The following BRD4 variants were observed in gnomAD, a reference collection of about 807,000 sequenced individuals.
BRD4 encodes bromodomain-containing protein 4.
BRD4 carries 16 observed loss-of-function variants against 142.1 expected under a neutral mutation model. The ratio of observed to expected loss-of-function variants is 0.11; its 90% CI spans 0.08 to 0.17. The LOEUF (loss-of-function observed/expected upper bound fraction) is 0.17. Ranked by LOEUF, BRD4 falls within the 10% of genes least tolerant of loss-of-function variation. The pLI, the probability that BRD4 is intolerant of heterozygous loss-of-function variation, is 1.00. For missense variants in BRD4, 1,424 were observed against 1,810.9 expected, an observed-to-expected ratio of 0.79 and a Z score of 3.88; for synonymous variants, 833 against 707.5, an observed-to-expected ratio of 1.18 and a Z score of -2.82.
chr19:15,258,321 T>G (rs372479151), intron 7 of BRD4, among the ~76,000 whole-genome samples: 170 of 152,306 alleles, frequency 1.1e-3, no homozygotes, highest in African/African-American at 3.8e-3. Context: ...ATGACTTCTT[T>G]TAGCCAATAA....
Position 15,318,603 on chromosome 19 carries a change from GC to G in BRD4, c.-35+13686del, listed in dbSNP as rs781434645. On this transcript the variant is annotated intron_variant, in intron 1 of 19. Transcript: ENST00000679869. ...GTAAGCAAATGTCCCGCAGCACAGG[GC>G]ACACATTAAGCCACGTAAGGGACCA... 2.3e-4 allele frequency among the ~76,000 whole-genome samples: 35 copies of G among 152,298 alleles called. No homozygotes were observed. In the East Asian group the frequency reaches 3.7e-3, roughly 16 times the overall value.
rs762435043 is a variant in BRD4, at chr19:15,239,684, G to A, written c.3420C>T (p.Ile1140=). ...GCTGGGGCAGGTGGACGGGGGCCTT[G>A]ATGCTCTCCGGGTGCTTGGGGGGCT... is the stretch of plus-strand genomic sequence containing the variant. ...RPEPPKHPES[I]KAPVHLPQRP... The change falls in exon 16 of 20, where the codon ATC becomes ATT. Residue 1140 remains isoleucine, a synonymous_variant. Transcript: ENST00000679869. The surrounding 1 kb of genome is among the most constrained non-coding windows in gnomAD (Gnocchi z 7.4). 15 of 1,587,736 alleles carry A rather than the reference G, an allele frequency of 9.4e-6. No homozygotes were observed. In the African/African-American group the frequency reaches 1.6e-4, roughly 17 times the overall value.
intron 1 of BRD4, among the ~76,000 whole-genome samples, chr19:15,286,908 T>C (rs572994561): frequency 6.7e-4 from 102 of 152,096 alleles, no homozygotes; most frequent in African/African-American, 2.4e-3. Context: ...ATCTAAGAGG[T>C]TTCACTGGCT....
intron 1 of BRD4, among the ~76,000 whole-genome samples, chr19:15,310,357 T>TCCC (rs1568407743): frequency 1.9e-5 from 1 of 51,340 alleles, no homozygotes; most frequent in Non-Finnish European, 4.4e-5. Context: ...GATTTTTGGA[T>TCCC]TCCCCCCCCC....
At position 15,239,645 on chromosome 19, in the gene BRD4, G is replaced by C; in HGVS notation, c.3445+14C>G. On this transcript the variant is annotated intron_variant, in intron 16 of 19. Coordinates refer to ENST00000679869, the MANE Select transcript of BRD4 (RefSeq NM_001379291.1). The surrounding 1 kb of genome is among the most constrained non-coding windows in gnomAD (Gnocchi z 7.4). The stretch of plus-strand genomic sequence containing the variant: ...GGGGCCTGAGCCCTGGCTGTGGGCA[G>C]GGAGAGCACTCACGCTGGGGCAGGT... 1 of 1,568,670 alleles carries C rather than the reference G, an allele frequency of 6.4e-7. No individual in the cohort carries two copies. The highest frequency in any genetic ancestry group is 1.4e-5 in the African/African-American group (1 of 73,238).
intron 1 of BRD4, among the ~76,000 whole-genome samples, chr19:15,312,985 T>C (rs934967934): frequency 1.3e-5 from 2 of 151,910 alleles, no homozygotes; most frequent in Admixed American, 1.3e-4. Context: ...GGTGAGAGGA[T>C]AGCTTGAGAC....
chr19:15,238,323 A>G lies in BRD4; in HGVS notation c.*54T>C, dbSNP rs200971099. The G allele has an allele frequency of 4.3e-6, 7 of 1,610,948 alleles. 1 individual carries two copies. Among genetic ancestry groups the G allele is most frequent in the Non-Finnish European group, 5.9e-6 (7 of 1,178,096 alleles). On this transcript the variant is annotated 3_prime_UTR_variant, in exon 20 of 20. Transcript: ENST00000679869. This position sits in a 1 kb window ranked among gnomAD's most constrained non-coding sequence, Gnocchi z 7.2. ...CACCTCCACCACCGCCCCTAACACT[A>G]TGGAAAGTCAATGTTTTGCCAGAAA...
Position 15,307,263 on chromosome 19 carries a change from G to A in BRD4, c.-35+25027C>T, listed in dbSNP as rs552641364. Among the ~76,000 whole-genome samples, 18 of 152,240 alleles carry A rather than the reference G, an allele frequency of 1.2e-4. No individual in the cohort carries two copies. The South Asian group carries it at 3.7e-3, about 32-fold the overall frequency. ...AGTGAAGTAAGAGCGCTGCAGGGTG[G>A]GTAGGAGCAATTCCCTCTGCTGTGC... On this transcript the variant is annotated intron_variant, in intron 1 of 19. Coordinates refer to ENST00000679869, the MANE Select transcript of BRD4 (RefSeq NM_001379291.1).
At chr19:15,257,411 G>T in intron 7 of BRD4, 1 of 555,592 alleles carries the variant, frequency 1.8e-6, no homozygotes, top group South Asian at 2.3e-5. Flanking sequence ...TCCAGAGATA[G>T]CGGGGCACTC....
intron 1 of BRD4, among the ~76,000 whole-genome samples, chr19:15,288,838 G>A (rs975396356): frequency 1.3e-5 from 2 of 152,184 alleles, no homozygotes; most frequent in Admixed American, 6.5e-5. Context: ...GAGAGAACAC[G>A]CAACAGTACC....
intron 7 of BRD4, among the ~76,000 whole-genome samples, chr19:15,261,380 G>A (rs943057419): frequency 1.3e-5 from 2 of 152,116 alleles, no homozygotes; most frequent in African/African-American, 4.8e-5. Context: ...CTACTCAGGA[G>A]GCTGAGGCAG....
At chr19:15,242,816 T>C in intron 14 of BRD4, 84 bp downstream of exon 14, 3 of 1,537,052 alleles carry the variant, frequency 2.0e-6, no homozygotes, top group Non-Finnish European at 1.8e-6. Context: ...GCCTGAAGCA[T>C]GAGTTAACCC....
At chr19:15,273,586 G>T (rs1018937402) in intron 1 of BRD4, among the ~76,000 whole-genome samples, 1 of 152,146 alleles carries the variant, frequency 6.6e-6, no homozygotes, top group African/African-American at 2.4e-5. Context: ...ACAAAGCATC[G>T]AGCAAAGTCA....
At chr19:15,312,407 GC>G (rs2047979263) in intron 1 of BRD4, among the ~76,000 whole-genome samples, 1 of 152,136 alleles carries the variant, frequency 6.6e-6, no homozygotes, top group African/African-American at 2.4e-5. Context: ...GCCGAGGCGG[GC>G]AGATCACCTG....
intron 2 of BRD4, among the ~76,000 whole-genome samples, chr19:15,272,265 G>A (rs2145622652): frequency 6.6e-6 from 1 of 152,280 alleles, no homozygotes; most frequent in Middle Eastern, 3.4e-3. Context: ...CACCTGTGCA[G>A]CTGCAGCCAC....
At position 15,272,969 on chromosome 19, in the gene BRD4, T is replaced by A; in HGVS notation, c.131A>T (p.Asn44Ile). 1 of 1,613,952 alleles carries A rather than the reference T, an allele frequency of 6.2e-7. No individual in the cohort carries two copies. The highest frequency in any genetic ancestry group is 8.5e-7 in the Non-Finnish European group (1 of 1,179,974). Residue 44 changes from asparagine to isoleucine, a missense_variant, in exon 2 of 20, where the codon AAC becomes ATC. Asn to Ile is a moderately radical substitution (Grantham distance 149, BLOSUM62 -3). Coordinates refer to ENST00000679869, the MANE Select transcript of BRD4 (RefSeq NM_001379291.1). ...GTTGGAGGTCTCTGGGGGCGGGGGG[T>A]TGGTGCTGGCTGCGTTGGCTGGCTG... ...QPQPANAAST[N>I]PPPPETSNPN... is the part of the protein sequence containing the mutation.
intron 1 of BRD4, among the ~76,000 whole-genome samples, chr19:15,305,383 T>C (rs2047905069): frequency 6.6e-6 from 1 of 152,206 alleles, no homozygotes; most frequent in Non-Finnish European, 1.5e-5. Flanking sequence ...AAGGTGAAAC[T>C]GATCCATGGG....
At chr19:15,246,036 C>G (rs1405543639) in intron 11 of BRD4, among the ~76,000 whole-genome samples, 1 of 152,216 alleles carries the variant, frequency 6.6e-6, no homozygotes, top group African/African-American at 2.4e-5. Flanking sequence ...CCACGCCAGA[C>G]AAGACACAGA....
At chr19:15,259,559 C>G (rs1272631523) in intron 7 of BRD4, among the ~76,000 whole-genome samples, 2 of 152,268 alleles carry the variant, frequency 1.3e-5, no homozygotes, top group Non-Finnish European at 2.9e-5. Context: ...GGACTGGGAA[C>G]TGCCAGCTTC....
Sources: gnomAD v4.1 joint callset for allele counts (sites outside exome capture counted in the v4.1 genomes callset) on GRCh38, gnomAD v4.1.1 for gene constraint, Gnocchi (gnomAD v3.1) non-coding constraint, MANE v1.5 for transcripts, NCBI Gene and HGNC (gene_info 2026-07-23, HGNC 2026-07-21) for gene names.